PTPRK: variants seen among roughly 807,000 people sequenced by gnomAD.
PTPRK encodes receptor-type tyrosine-protein phosphatase kappa.
In PTPRK, 75 loss-of-function variants were observed where a neutral mutation model predicts 178.0. The observed-to-expected ratio is 0.42, with a 90% CI of 0.35 to 0.51. The LOEUF (loss-of-function observed/expected upper bound fraction) is 0.51, where lower values mean the gene tolerates loss of function less well. Ranked by LOEUF, PTPRK falls within the 20% of genes least tolerant of loss-of-function variation. The probability of loss-of-function intolerance (pLI) is 0.02; values close to 1 mark genes in which losing one functional copy is unlikely to be tolerated. For missense variants in PTPRK, 1,441 were observed against 1,797.8 expected, an observed-to-expected ratio of 0.80 and a Z score of 3.59; for synonymous variants, 637 against 620.6, an observed-to-expected ratio of 1.03 and a Z score of -0.39.
chr6:128,123,865 G>T (rs1792877775), intron 7 of PTPRK, among the ~76,000 whole-genome samples: 1 of 151,866 alleles, frequency 6.6e-6, no homozygotes, highest in Admixed American at 6.6e-5. Flanking sequence ...TATAAACTGA[G>T]TCTATGAGTT....
chr6:127,983,143 C>T, intron 23 of PTPRK, 99 bp downstream of exon 23: 2 of 1,319,088 alleles, frequency 1.5e-6, no homozygotes, highest in South Asian at 3.1e-5. Flanking sequence ...TGAAAAACAT[C>T]TCTTTCGGTT....
intron 1 of PTPRK, among the ~76,000 whole-genome samples, chr6:128,482,610 A>C (rs552927614): frequency 6.6e-6 from 1 of 152,306 alleles, no homozygotes; most frequent in African/African-American, 2.4e-5. Flanking sequence ...TCAAAGTAGT[A>C]ACAGCCAAAT....
At chr6:128,194,061 T>C (rs1438267638) in intron 6 of PTPRK, among the ~76,000 whole-genome samples, 1 of 132,418 alleles carries the variant, frequency 7.6e-6, no homozygotes, top group Non-Finnish European at 1.6e-5. Context: ...AATATTTATA[T>C]ATATATTATT....
intron 7 of PTPRK, among the ~76,000 whole-genome samples, chr6:128,108,184 G>A (rs1453580334): frequency 6.6e-6 from 1 of 151,434 alleles, no homozygotes; most frequent in Non-Finnish European, 1.5e-5. Context: ...TTTAGTGTTT[G>A]TATTGACTTT....
intron 14 of PTPRK, chr6:128,005,977 C>A: frequency 7.1e-7 from 1 of 1,404,586 alleles, no homozygotes; most frequent in South Asian, 1.4e-5. Context: ...AAAAGGGATA[C>A]TGCATCCTTA....
rs1847169507 is a variant in PTPRK at position 128,447,405 on chromosome 6, C to T, written c.101-49717G>A. 2.0e-5 allele frequency among the ~76,000 whole-genome samples: 3 copies of T among 152,206 alleles called. No individual in the cohort carries two copies. In the South Asian group the frequency reaches 6.2e-4, roughly 31 times the overall value. On this transcript the variant is annotated intron_variant, in intron 1 of 29. Coordinates refer to ENST00000368226, the MANE Select transcript of PTPRK (RefSeq NM_002844.4). ...CATAGATCATTTCATTAAATGCTCA[C>T]AAAACCACTAGGAGTTGGCTACTTT...
At chr6:128,389,413 G>GTTTTT (rs11443907) in intron 2 of PTPRK, among the ~76,000 whole-genome samples, 5 of 144,430 alleles carry the variant, frequency 3.5e-5, no homozygotes, top group Non-Finnish European at 3.0e-5. Context: ...GTTTTTTTTT[G>GTTTTT]TTTTTTTTGT....
intron 13 of PTPRK, among the ~76,000 whole-genome samples, chr6:128,037,869 T>A (rs1426632061): frequency 1.3e-5 from 2 of 152,236 alleles, no homozygotes; most frequent in African/African-American, 2.4e-5. Context: ...CTTAGACAGC[T>A]GTACATATCA....
At chr6:127,991,935 A>T (rs761366645) in intron 19 of PTPRK, among the ~76,000 whole-genome samples, 1 of 151,790 alleles carries the variant, frequency 6.6e-6, no homozygotes, top group Non-Finnish European at 1.5e-5. Flanking sequence ...CGATCTTTCT[A>T]ACTTTAAAGA....
At chr6:128,067,436 G>A in intron 12 of PTPRK, 83 bp downstream of exon 12, 1 of 1,275,138 alleles carries the variant, frequency 7.8e-7, no homozygotes. Flanking sequence ...TTTTTTTCTT[G>A]ACGGATGCTA....
chr6:128,069,038 C>G (rs1034077774), intron 11 of PTPRK, among the ~76,000 whole-genome samples: 1 of 151,908 alleles, frequency 6.6e-6, no homozygotes, highest in African/African-American at 2.4e-5. Flanking sequence ...AGTTTAGACT[C>G]TGGCATAAAA....
At chr6:128,506,238 T>C (rs1319561739) in intron 1 of PTPRK, among the ~76,000 whole-genome samples, 1 of 152,218 alleles carries the variant, frequency 6.6e-6, no homozygotes, top group Non-Finnish European at 1.5e-5. Flanking sequence ...AGATAGGACA[T>C]AATACTTACT....
At chr6:128,131,832 T>C (rs1794288335) in intron 7 of PTPRK, among the ~76,000 whole-genome samples, 1 of 152,226 alleles carries the variant, frequency 6.6e-6, no homozygotes, top group Non-Finnish European at 1.5e-5. Flanking sequence ...GCTGTGATAA[T>C]GTCTTGTAAC....
At chr6:128,103,252 G>A (rs549423568) in intron 7 of PTPRK, among the ~76,000 whole-genome samples, 26 of 152,078 alleles carry the variant, frequency 1.7e-4, no homozygotes, top group Middle Eastern at 6.8e-3. Flanking sequence ...CCCCCTTTCC[G>A]GGTCCCCATA....
In PTPRK at chr6:128,223,969, A is replaced by T. The variant is rs1810849528; in HGVS notation, c.694-4873T>A. 1.3e-5 allele frequency among the ~76,000 whole-genome samples: 2 copies of T among 152,196 alleles called. 1 individual carries two copies. Among genetic ancestry groups the T allele is most frequent in the South Asian group, 4.1e-4 (2 of 4,836 alleles). Reference sequence around the variant, plus strand: ...GTTCCAATGGGCTAATATAATCTATATTAGACATTGCTTTCTTTACTTGGC... The same window carrying T: ...GTTCCAATGGGCTAATATAATCTATTTTAGACATTGCTTTCTTTACTTGGC... On this transcript the variant is annotated intron_variant, in intron 5 of 29. Transcript: ENST00000368226.
chr6:128,377,199 C>T (rs544551436), intron 2 of PTPRK, among the ~76,000 whole-genome samples: 7 of 152,186 alleles, frequency 4.6e-5, no homozygotes, highest in African/African-American at 1.7e-4. Context: ...ACGTACCTGA[C>T]GTTGGGTAAT....
intron 7 of PTPRK, among the ~76,000 whole-genome samples, chr6:128,114,978 G>A (rs920287561): frequency 6.7e-6 from 1 of 149,102 alleles, no homozygotes; most frequent in Non-Finnish European, 1.5e-5. Flanking sequence ...CTTATTCTGC[G>A]ATTAAAAAAA....
intron 13 of PTPRK, among the ~76,000 whole-genome samples, chr6:128,056,725 G>A (rs1779963923): frequency 1.3e-5 from 2 of 152,142 alleles, no homozygotes; most frequent in South Asian, 4.1e-4. Context: ...CGCCTGGCTA[G>A]AAATATGCTT....
chr6:128,435,632 A>C (rs1206543439), intron 1 of PTPRK, among the ~76,000 whole-genome samples: 1 of 152,180 alleles, frequency 6.6e-6, no homozygotes, highest in African/African-American at 2.4e-5. Context: ...GTCTTAAAGC[A>C]GTTCGTTATC....
Sources: allele counts gnomAD v4.1 joint callset (sites outside exome capture counted in the v4.1 genomes callset), GRCh38; gene constraint gnomAD v4.1.1; transcripts MANE v1.5; gene names NCBI Gene and HGNC (gene_info 2026-07-23, HGNC 2026-07-21).